The following CNTNAP5 variants were observed in gnomAD, a reference collection of about 807,000 sequenced individuals.
The protein encoded by CNTNAP5 is contactin-associated protein-like 5.
In CNTNAP5, 72 loss-of-function variants were observed where a neutral mutation model predicts 150.2. The observed-to-expected ratio is 0.48, with a 90% CI of 0.40 to 0.58. The LOEUF is 0.58. Ranked by LOEUF, CNTNAP5 falls within the 20% of genes least tolerant of loss-of-function variation. CNTNAP5 has a pLI of 0.00. For missense variants in CNTNAP5, 1,636 were observed against 1,626.2 expected (o/e 1.01, Z -0.10); for synonymous variants, 672 against 619.8 (o/e 1.08, Z -1.25).
chr2:124,514,198 A>G (rs1474347913), intron 8 of CNTNAP5, among the ~76,000 whole-genome samples: 1 of 152,240 alleles, frequency 6.6e-6, no homozygotes. Flanking sequence ...GTGTTATGGA[A>G]AACTGAGAAA....
intron 3 of CNTNAP5, among the ~76,000 whole-genome samples, chr2:124,314,301 G>C (rs545197119): frequency 6.2e-4 from 94 of 152,170 alleles, no homozygotes; most frequent in Non-Finnish European, 1.1e-3. Context: ...CAGGGGTAAA[G>C]GAAACATAGC....
At chr2:124,545,682 A>G (rs1363030629) in intron 10 of CNTNAP5, among the ~76,000 whole-genome samples, 1 of 152,130 alleles carries the variant, frequency 6.6e-6, no homozygotes, top group Non-Finnish European at 1.5e-5. Flanking sequence ...GTTGGCTTTG[A>G]TTTCATCTGA....
chr2:124,294,543 G>A (rs577713666), intron 3 of CNTNAP5, among the ~76,000 whole-genome samples: 3 of 152,302 alleles, frequency 2.0e-5, no homozygotes, highest in African/African-American at 7.2e-5. Context: ...GCAGGATCAA[G>A]CTTGGCAGTT....
chr2:124,812,743 A>T (rs1379116468), intron 19 of CNTNAP5, among the ~76,000 whole-genome samples: 2 of 152,094 alleles, frequency 1.3e-5, no homozygotes, highest in Admixed American at 1.3e-4. Flanking sequence ...GCCTTTCTGG[A>T]CCAAACCAAT....
chr2:124,346,036 G>A (rs550670137), intron 3 of CNTNAP5, among the ~76,000 whole-genome samples: 1 of 151,568 alleles, frequency 6.6e-6, no homozygotes, highest in South Asian at 2.1e-4. Flanking sequence ...AAAATGTGCT[G>A]CAGATATTTT....
At chr2:124,455,820 A>T (rs1194753694) in intron 6 of CNTNAP5, among the ~76,000 whole-genome samples, 1 of 152,168 alleles carries the variant, frequency 6.6e-6, no homozygotes, top group Non-Finnish European at 1.5e-5. Context: ...AAACCACATG[A>T]TCCTCTCAAA....
chr2:124,739,841 G>C (rs1680461108), intron 13 of CNTNAP5, among the ~76,000 whole-genome samples: 1 of 151,678 alleles, frequency 6.6e-6, no homozygotes, highest in Admixed American at 6.6e-5. Flanking sequence ...TCTTACTCTG[G>C]GCTTTTCTAG....
chr2:124,158,233 G>A (rs1684590574), intron 1 of CNTNAP5, among the ~76,000 whole-genome samples: 1 of 152,110 alleles, frequency 6.6e-6, no homozygotes, highest in Non-Finnish European at 1.5e-5. Context: ...CCATAGCCTA[G>A]AATGATTGAA....
chr2:124,276,569 G>A (rs1342330813), intron 3 of CNTNAP5, among the ~76,000 whole-genome samples: 1 of 152,028 alleles, frequency 6.6e-6, no homozygotes, highest in Non-Finnish European at 1.5e-5. Context: ...GGACATATTT[G>A]GGCCCAACCT....
intron 21 of CNTNAP5, among the ~76,000 whole-genome samples, chr2:124,882,499 G>C (rs1428789384): frequency 6.6e-6 from 1 of 152,088 alleles, no homozygotes; most frequent in East Asian, 1.9e-4. Context: ...GGAGAAATCA[G>C]AAGTAAAACT....
chr2:124,449,256 C>A (rs192387230), intron 6 of CNTNAP5, among the ~76,000 whole-genome samples: 1 of 152,270 alleles, frequency 6.6e-6, no homozygotes, highest in African/African-American at 2.4e-5. Context: ...ATCAATTGCT[C>A]TCCTTTGTCA....
intron 13 of CNTNAP5, among the ~76,000 whole-genome samples, chr2:124,699,202 G>A (rs1043640438): frequency 7.4e-5 from 4 of 54,292 alleles, no homozygotes; most frequent in Non-Finnish European, 1.4e-4. Flanking sequence ...AGAAGATTAC[G>A]TGCACAGGGG....
intron 3 of CNTNAP5, among the ~76,000 whole-genome samples, chr2:124,385,206 A>T (rs1354668782): frequency 6.6e-6 from 1 of 152,196 alleles, no homozygotes; most frequent in Non-Finnish European, 1.5e-5. Context: ...AAAAAAAGAC[A>T]TTGGTGGGTA....
intron 19 of CNTNAP5, among the ~76,000 whole-genome samples, chr2:124,855,167 CTTTT>C (rs70999224): frequency 4.2e-5 from 3 of 71,436 alleles, no homozygotes; most frequent in African/African-American, 1.3e-4. Context: ...TGGGCTTTTG[CTTTT>C]TTTTTTTTTT....
intron 3 of CNTNAP5, among the ~76,000 whole-genome samples, chr2:124,414,849 C>T (rs941847183): frequency 6.6e-6 from 1 of 152,022 alleles, no homozygotes; most frequent in African/African-American, 2.4e-5. Context: ...TACAGACCTA[C>T]GGACTCACAT....
intron 3 of CNTNAP5, among the ~76,000 whole-genome samples, chr2:124,325,377 C>T (rs1187155710): frequency 1.3e-5 from 2 of 152,084 alleles, no homozygotes; most frequent in African/African-American, 4.8e-5. Context: ...TAAGACACAG[C>T]GTTTTCATGA....
chr2:124,677,350 A>G (rs1167593599), intron 13 of CNTNAP5, among the ~76,000 whole-genome samples: 4 of 152,190 alleles, frequency 2.6e-5, no homozygotes, highest in Non-Finnish European at 4.4e-5. Flanking sequence ...TGTGGACCTA[A>G]AGAGTAAGCA....
intron 1 of CNTNAP5, among the ~76,000 whole-genome samples, chr2:124,207,120 T>A (rs1374983467): frequency 6.6e-6 from 1 of 152,200 alleles, no homozygotes; most frequent in Non-Finnish European, 1.5e-5. Context: ...CTAACACATG[T>A]TACAGACTTT....
In CNTNAP5 at chr2:124,393,620, G is replaced by C. The variant is rs145066330; in HGVS notation, c.382-23823G>C. On this transcript the variant is annotated intron_variant, in intron 3 of 23. Coordinates refer to ENST00000682447, the MANE Select transcript of CNTNAP5 (RefSeq NM_001367498.1). ...TTCACCCATAGTATGACACTTCGTT[G>C]TATGGATTCACTCAGCTGTCCTCAC... Among the ~76,000 whole-genome samples the C allele has an allele frequency of 4.1e-3, 631 of 152,312 alleles. 4 individuals are homozygous for C. Among genetic ancestry groups the C allele is most frequent in the Non-Finnish European group, 7.0e-3 (475 of 68,040 alleles).
Sources: gnomAD v4.1 joint callset for allele counts (sites outside exome capture counted in the v4.1 genomes callset) on GRCh38, gnomAD v4.1.1 for gene constraint, MANE v1.5 for transcripts, NCBI Gene and HGNC (gene_info 2026-07-23, HGNC 2026-07-21) for gene names.